ROBO3: variants seen among roughly 807,000 people sequenced by gnomAD.
ROBO3 encodes roundabout homolog 3.
In ROBO3, 97 loss-of-function variants were observed where a neutral mutation model predicts 160.5. The observed-to-expected ratio is 0.60, with a 90% CI of 0.51 to 0.72. ROBO3 has a LOEUF of 0.72. ROBO3 is among the 30% of genes least tolerant of loss of function. The pLI, the probability that ROBO3 is intolerant of heterozygous loss-of-function variation, is 0.00. For synonymous variants in ROBO3, 780 were observed against 746.2 expected (o/e 1.05, Z -0.74); for missense variants, 1,858 against 1,846.5 (o/e 1.01, Z -0.11).
At chr11:124,875,878 C>A (rs1018183215) in intron 15 of ROBO3, 76 bp from the exon 16 acceptor site, 1 of 1,511,942 alleles carries the variant, frequency 6.6e-7, no homozygotes, top group Non-Finnish European at 9.0e-7. Context: ...GCTTCTCTAC[C>A]ATTTGGAGCC....
chr11:124,873,650 A>G lies in ROBO3; in HGVS notation c.1619-47A>G, dbSNP rs1204071675. 2 of 1,539,666 alleles carry G rather than the reference A, an allele frequency of 1.3e-6. No individual in the cohort carries two copies. Among genetic ancestry groups the G allele is most frequent in the East Asian group, 2.3e-5 (1 of 44,386 alleles). On this transcript the variant is annotated intron_variant, in intron 10 of 27. Coordinates refer to ENST00000397801, the MANE Select transcript of ROBO3 (RefSeq NM_022370.4). The surrounding 1 kb of genome is among the most constrained non-coding windows in gnomAD (Gnocchi z 4.5). ...TGGTAAGGAGACAGGTTACACTAGG[A>G]TTATCCTTTCCCTATCTTTCTACTT...
intron 5 of ROBO3, 142 bp from the exon 6 acceptor site, chr11:124,870,459 T>C (rs767744482): frequency 5.7e-5 from 83 of 1,464,812 alleles, no homozygotes; most frequent in Non-Finnish European, 6.9e-5. Context: ...CCCACCTCCA[T>C]TGATGGGTCC....
At position 124,875,383 on chromosome 11, in the gene ROBO3, G is replaced by C. The variant is rs776897819; in HGVS notation, c.2299+47G>C. On this transcript the variant is annotated intron_variant, in intron 14 of 27. Coordinates refer to ENST00000397801, the MANE Select transcript of ROBO3 (RefSeq NM_022370.4). ...ATGGATGGACAAGAGGGAAGAAGGG[G>C]TGGGGGTGGAGGTGGAGGGGGGATG... 6 of 1,526,230 alleles carry C rather than the reference G, an allele frequency of 3.9e-6. No homozygotes were observed. In the South Asian group the frequency reaches 6.8e-5, roughly 17 times the overall value. The allele number at this position is 1,526,230 out of a possible 1,614,324, so 94.5% of individuals were successfully genotyped here.
chr11:124,879,205 G>A lies in ROBO3; in HGVS notation c.3549G>A (p.Gly1183=), dbSNP rs2135346169. 6.4e-7 allele frequency: 1 copy of A among 1,551,808 alleles called. No individual in the cohort carries two copies. Among genetic ancestry groups the A allele is most frequent in the Non-Finnish European group, 8.7e-7 (1 of 1,147,114 alleles). ...GTCATTGCAGGAGGGTGCCCCTTGG[G>A]CCGAGTTCCCCTCTCAGTGTATCCC... is the stretch of plus-strand genomic sequence containing the variant. ...LHQMPRRVPL[G]PSSPLSVSQP... is the part of the protein sequence containing the mutation. Residue 1183 remains glycine, a synonymous_variant, in exon 24 of 28, where the codon GGG becomes GGA. Coordinates refer to ENST00000397801, the MANE Select transcript of ROBO3 (RefSeq NM_022370.4).
chr11:124,880,743 A>T, intron 27 of ROBO3, 135 bp downstream of exon 27: 1 of 1,244,082 alleles, frequency 8.0e-7, no homozygotes, highest in Non-Finnish European at 1.1e-6. Context: ...GGTGAGGGGG[A>T]GGGAGGAATC....
rs1487180262 is a variant in ROBO3 at position 124,878,646 on chromosome 11, C to A, written c.3383C>A (p.Ser1128Tyr). The A allele has an allele frequency of 6.2e-7, 1 of 1,613,474 alleles. No homozygotes were observed. Among genetic ancestry groups the A allele is most frequent in the Admixed American group, 1.7e-5 (1 of 59,948 alleles). ...AGAAGTCACCTGACGGAGCCCAGCT[C>A]CAGTGGAGGGTGCCTGGTCACCCCA... ...PERSHLTEPS[S>Y]SGGCLVTPSR... is the part of the protein sequence containing the mutation. The change falls in exon 23 of 28, where the codon TCC becomes TAC. Residue 1128 changes from serine to tyrosine, a missense_variant. By Grantham distance (144) the Ser-to-Tyr change is moderately radical. Transcript: ENST00000397801. The surrounding 1 kb of genome is among the most constrained non-coding windows in gnomAD (Gnocchi z 4.3).
Position 124,873,141 on chromosome 11 carries a change from G to A in ROBO3, c.1536+52G>A, listed in dbSNP as rs908132007. ...AGCTGAGAATGGCTATCTGCTCCAC[G>A]TTCCTTACACAAGTAAGTACTCACT... is the stretch of plus-strand genomic sequence containing the variant. On this transcript the variant is annotated intron_variant, in intron 9 of 27. Transcript: ENST00000397801. The surrounding 1 kb of genome is among the most constrained non-coding windows in gnomAD (Gnocchi z 4.5). 1.7e-5 allele frequency: 27 copies of A among 1,562,638 alleles called. No individual in the cohort carries two copies. Among genetic ancestry groups the A allele is most frequent in the African/African-American group, 2.7e-5 (2 of 74,172 alleles).
At chr11:124,879,100 T>G in intron 23 of ROBO3, 90 bp from the exon 24 acceptor site, 1 of 1,392,116 alleles carries the variant, frequency 7.2e-7, no homozygotes, top group Non-Finnish European at 9.8e-7. Flanking sequence ...CGTTTATCTG[T>G]TAGGTTGATT....
rs752317062 is a variant in ROBO3 at position 124,865,534 on chromosome 11, G to C, written c.-44G>C. On this transcript the variant is annotated 5_prime_UTR_variant, in exon 1 of 28. Transcript: ENST00000397801. The surrounding 1 kb of genome is among the most constrained non-coding windows in gnomAD (Gnocchi z 5.5). ...CAGCCCACGGGTCTCAGACCCAGGGGCTGGGCCCCCAGCCCCCAGTCCCGA... is the reference window on the plus strand; with the variant it reads ...CAGCCCACGGGTCTCAGACCCAGGGCCTGGGCCCCCAGCCCCCAGTCCCGA... 25 of 1,595,144 alleles carry C rather than the reference G, an allele frequency of 1.6e-5. No individual in the cohort carries two copies. The highest frequency in any genetic ancestry group is 1.1e-4 in the African/African-American group (8 of 74,562).
Position 124,868,857 on chromosome 11 carries a change from T to C in ROBO3, c.216T>C (p.Asp72=). Reference sequence around the variant, plus strand: ...CCCGCATCGTGGAGCAGCCGCCAGATCTGCTGGTCTCCCGAGGCGAGCCCG... The same window carrying C: ...CCCGCATCGTGGAGCAGCCGCCAGACCTGCTGGTCTCCCGAGGCGAGCCCG... ...AMPRIVEQPP[D]LLVSRGEPAT... Residue 72 remains aspartate, a synonymous_variant, in exon 2 of 28, where the codon GAT becomes GAC. Transcript: ENST00000397801. 1.2e-6 allele frequency: 2 copies of C among 1,609,558 alleles called. No individual in the cohort carries two copies. Among genetic ancestry groups the C allele is most frequent in the Non-Finnish European group, 1.7e-6 (2 of 1,178,572 alleles).
chr11:124,876,030 G>C lies in ROBO3; in HGVS notation c.2498G>C (p.Arg833Pro). Residue 833 changes from arginine to proline, a missense_variant, in exon 16 of 28, where the codon CGA becomes CCA. By Grantham distance (103) the Arg-to-Pro change is moderately radical. Coordinates refer to ENST00000397801, the MANE Select transcript of ROBO3 (RefSeq NM_022370.4). This position sits in a 1 kb window ranked among gnomAD's most constrained non-coding sequence, Gnocchi z 5.3. ...AAGWARSAML[R>P]GLVPGLLYRT... ...GGCTGGGCACGCTCCGCAATGCTCC[G>C]AGGACTGGTGCCCGGTCTCCTCTAT... 3 of 1,605,666 alleles carry C rather than the reference G, an allele frequency of 1.9e-6. No homozygotes were observed. Among genetic ancestry groups the C allele is most frequent in the Non-Finnish European group, 2.5e-6 (3 of 1,176,768 alleles).
At position 124,869,100 on chromosome 11, in the gene ROBO3, G is replaced by A. The variant is rs763076669; in HGVS notation, c.459G>A (p.Ala153=). Residue 153 remains alanine, a synonymous_variant, in exon 2 of 28, where the codon GCG becomes GCA. Coordinates refer to ENST00000397801, the MANE Select transcript of ROBO3 (RefSeq NM_022370.4). This position sits in a 1 kb window ranked among gnomAD's most constrained non-coding sequence, Gnocchi z 4.2. The part of the protein sequence containing the change: ...CVARNYLGAA[A]SRNASLEVAV... ...CTCGCAACTACCTGGGGGCAGCAGC[G>A]AGCAGAAACGCCTCGCTGGAAGTGG... The A allele has an allele frequency of 2.5e-6, 4 of 1,575,866 alleles. No homozygotes were observed. The highest frequency in any genetic ancestry group is 3.4e-6 in the Non-Finnish European group (4 of 1,160,874).
rs1378559736 is a variant in ROBO3 at position 124,875,609 on chromosome 11, A to T, written c.2345A>T (p.Asp782Val). Residue 782 changes from aspartate to valine, a missense_variant, in exon 15 of 28, where the codon GAT (aspartate) becomes GTT (valine). Asp to Val is a radical substitution (Grantham distance 152). Transcript: ENST00000397801. Reference sequence around the variant, plus strand: ...GGAGTGGCGGTGGCCTTGGGGGGTGATGGCAACAGCAGTATCACTGTGTCC... The same window carrying T: ...GGAGTGGCGGTGGCCTTGGGGGGTGTTGGCAACAGCAGTATCACTGTGTCC... Reference protein sequence around the residue: ...PQGVAVALGGDGNSSITVSWE... With the variant: ...PQGVAVALGGVGNSSITVSWE... 6.2e-7 allele frequency: 1 copy of T among 1,611,406 alleles called. No individual in the cohort carries two copies. Among genetic ancestry groups the T allele is most frequent in the Non-Finnish European group, 8.5e-7 (1 of 1,178,980 alleles).
At position 124,870,262 on chromosome 11, in the gene ROBO3, T is replaced by A; in HGVS notation, c.864T>A (p.Arg288=). The change falls in exon 5 of 28, where the codon CGT becomes CGA. Residue 288 remains arginine (R), a synonymous_variant. Transcript: ENST00000397801. ...LCEVKGDPPP[R]LRWRKEDGEL... ...AGGTGAAGGGGGATCCCCCACCTCG[T>A]CTACGCTGGCGCAAGGAGGATGGGG... 1.2e-6 allele frequency: 2 copies of A among 1,614,046 alleles called. No individual in the cohort carries two copies. Among genetic ancestry groups the A allele is most frequent in the Non-Finnish European group, 1.7e-6 (2 of 1,179,888 alleles).
rs373932050 is a variant in ROBO3, at chr11:124,878,679, G to A, written c.3416G>A (p.Arg1139Lys). 3.1e-6 allele frequency: 5 copies of A among 1,613,598 alleles called. No individual in the cohort carries two copies. Among genetic ancestry groups the A allele is most frequent in the Non-Finnish European group, 4.2e-6 (5 of 1,179,760 alleles). Residue 1139 changes from arginine to lysine, a missense_variant, in exon 23 of 28, where the codon AGG becomes AAG. Transcript: ENST00000397801. This position sits in a 1 kb window ranked among gnomAD's most constrained non-coding sequence, Gnocchi z 4.3. ...SGGCLVTPSR[R>K]ETPSPTPSYG... is the part of the protein sequence containing the mutation. ...GGGTGCCTGGTCACCCCATCCCGAA[G>A]GGAAACCCCCTCTCCCACACCTTCC...
chr11:124,878,847 A>G lies in ROBO3; in HGVS notation c.3533+51A>G. ...CATTGCAAGCCCTCTATACGTATCT[A>G]CTCAGTAGATGACTGGGTGGGTGGA... On this transcript the variant is annotated intron_variant, in intron 23 of 27. Coordinates refer to ENST00000397801, the MANE Select transcript of ROBO3 (RefSeq NM_022370.4). The surrounding 1 kb of genome is among the most constrained non-coding windows in gnomAD (Gnocchi z 4.3). 7.0e-7 allele frequency: 1 copy of G among 1,434,780 alleles called. No homozygotes were observed. Among genetic ancestry groups the G allele is most frequent in the East Asian group, 2.3e-5 (1 of 43,244 alleles). The allele number at this position is 1,434,780 out of a possible 1,614,324, so 88.9% of individuals were successfully genotyped here.
In ROBO3 at chr11:124,869,180, G is replaced by A. The variant is rs1204865029; in HGVS notation, c.487+52G>A. On this transcript the variant is annotated intron_variant, in intron 2 of 27. Transcript: ENST00000397801. The surrounding 1 kb of genome is among the most constrained non-coding windows in gnomAD (Gnocchi z 4.2). ...TTGCTTCCAGAGCCTGGGGTAGGCG[G>A]GAGGGCACTGGGCAATCAGACCCAG... 4.1e-6 allele frequency: 6 copies of A among 1,479,178 alleles called. No homozygotes were observed. The highest frequency in any genetic ancestry group is 4.5e-6 in the Non-Finnish European group (5 of 1,103,174). The allele number at this position is 1,479,178 out of a possible 1,614,324, so 91.6% of individuals were successfully genotyped here. A position where few individuals can be genotyped will look rare whatever the true frequency, so the allele number is the denominator to read the frequency against.
rs914699847 is a variant in ROBO3, at chr11:124,881,312, T to TC, written c.*69dup. 4.3e-5 allele frequency: 66 copies of TC among 1,526,844 alleles called. No individual in the cohort carries two copies. The highest frequency in any genetic ancestry group is 5.5e-5 in the Non-Finnish European group (62 of 1,118,780). 94.6% of individuals were successfully genotyped at this position (1,526,844 alleles called of 1,614,324 possible). On this transcript the variant is annotated 3_prime_UTR_variant, in exon 28 of 28. Coordinates refer to ENST00000397801, the MANE Select transcript of ROBO3 (RefSeq NM_022370.4). Reference sequence around the variant, plus strand: ...GGGGAAGGGGAGTAGGGATGTCTTTTCCCCCCCAGCAGTGATGAGTGGGGC... The same window carrying TC: ...GGGGAAGGGGAGTAGGGATGTCTTTTCCCCCCCCAGCAGTGATGAGTGGGGC...
rs1345621159 is a variant in ROBO3, at chr11:124,868,851, G to A, written c.210G>A (p.Pro70=). The A allele has an allele frequency of 6.2e-7, 1 of 1,609,802 alleles. No individual in the cohort carries two copies. The highest frequency in any genetic ancestry group is 8.5e-7 in the Non-Finnish European group (1 of 1,178,656). ...EDAMPRIVEQ[P]PDLLVSRGEP... ...CTATGCCCCGCATCGTGGAGCAGCC[G>A]CCAGATCTGCTGGTCTCCCGAGGCG... The change falls in exon 2 of 28, where the codon CCG becomes CCA. Residue 70 remains proline, a synonymous_variant. Coordinates refer to ENST00000397801, the MANE Select transcript of ROBO3 (RefSeq NM_022370.4).
Sources: gnomAD v4.1 joint callset for allele counts on GRCh38, gnomAD v4.1.1 for gene constraint, Gnocchi (gnomAD v3.1) non-coding constraint, MANE v1.5 for transcripts, NCBI Gene and HGNC (gene_info 2026-07-23, HGNC 2026-07-21) for gene names.